H2BC18: variants seen among roughly 807,000 people sequenced by gnomAD.
The protein encoded by H2BC18 is H2B clustered histone 18.
Under a neutral mutation model 6.3 loss-of-function variants are expected in H2BC18, and 8 were observed. The observed-to-expected ratio is 1.28, with a 90% CI of 0.75 to 2.31. The LOEUF (loss-of-function observed/expected upper bound fraction) is 2.31, where lower values mean the gene tolerates loss of function less well. Ranked by LOEUF, H2BC18 falls within the 30% of genes most tolerant of loss-of-function variation. The pLI is 0.00. For synonymous variants in H2BC18, 104 were observed against 78.1 expected, an observed-to-expected ratio of 1.33 and a Z score of -1.75; for missense variants, 106 against 174.5, an observed-to-expected ratio of 0.61 and a Z score of 2.21.
downstream of H2BC18, among the ~76,000 whole-genome samples, chr1:149,807,172 C>T (rs1342363172): frequency 6.6e-6 from 1 of 152,048 alleles, no homozygotes; most frequent in South Asian, 2.1e-4. Flanking sequence ...TGATAAATTG[C>T]GTTTGGAAAA....
At chr1:149,807,825 G>GAGAGAGAGAGAGAA (rs1478607274), downstream of H2BC18, among the ~76,000 whole-genome samples, 1 of 147,294 alleles carries the variant, frequency 6.8e-6, no homozygotes, top group African/African-American at 2.6e-5. Flanking sequence ...GAAAGAAAGA[G>GAGAGAGAGAGAGAA]AGAGAGAGAG....
chr1:149,810,218 T>C (rs1444880745), downstream of H2BC18, among the ~76,000 whole-genome samples: 2 of 151,910 alleles, frequency 1.3e-5, no homozygotes, highest in Non-Finnish European at 2.9e-5. Flanking sequence ...GTATAGAAAA[T>C]AGACCACCTC....
intron 1 of H2BC18, among the ~76,000 whole-genome samples, chr1:149,804,809 A>G (rs1269926460): frequency 3.9e-5 from 6 of 152,028 alleles, no homozygotes; most frequent in African/African-American, 1.4e-4. Flanking sequence ...AAAGTTTTCC[A>G]AGGTCATACA....
chr1:149,807,387 G>C (rs1553753973), downstream of H2BC18, among the ~76,000 whole-genome samples: 1 of 151,914 alleles, frequency 6.6e-6, no homozygotes, highest in African/African-American at 2.4e-5. Context: ...AGCTACTCAG[G>C]AAGCTGAGGT....
intron 1 of H2BC18, among the ~76,000 whole-genome samples, chr1:149,796,247 G>T (rs1365230971): frequency 6.6e-6 from 1 of 152,194 alleles, no homozygotes; most frequent in Non-Finnish European, 1.5e-5. Context: ...AATAAATTGT[G>T]GAGAGGGAGC....
chr1:149,789,349 C>T (rs587649532), intron 1 of H2BC18, among the ~76,000 whole-genome samples: 37 of 152,086 alleles, frequency 2.4e-4, no homozygotes, highest in African/African-American at 8.2e-4. Flanking sequence ...GCTGAGATAG[C>T]GCCACTGCAC....
rs1553754496 is a variant in H2BC18, at chr1:149,811,912, G to A, written c.*31C>T. 1 of 1,575,956 alleles carries A rather than the reference G, an allele frequency of 6.3e-7. No individual in the cohort carries two copies. The highest frequency in any genetic ancestry group is 1.1e-5 in the South Asian group (1 of 90,186). On this transcript the variant is annotated 3_prime_UTR_variant, in exon 1 of 1. Transcript: ENST00000369167. ...CTCTGAAAAGAGCCTTTGGGGTTAG[G>A]TGGTTGATCTATTGCGTCCCTTGCA...
intron 1 of H2BC18, among the ~76,000 whole-genome samples, chr1:149,799,877 G>A (rs1468676197): frequency 1.1e-4 from 16 of 152,284 alleles, no homozygotes; most frequent in African/African-American, 2.2e-4. Flanking sequence ...GACTGACGGC[G>A]GAGGGGGGTT....
rs1361335977 is a variant in H2BC18 at position 149,792,442 on chromosome 1, T to C, written c.378-9182A>G. 27 of 952,256 alleles carry C rather than the reference T, an allele frequency of 2.8e-5. No homozygotes were observed. The South Asian group carries it at 4.4e-4, about 16-fold the overall frequency. 59.0% of individuals were successfully genotyped at this position (952,256 alleles called of 1,614,324 possible). On this transcript the variant is annotated intron_variant, in intron 1 of 1. Coordinates refer to the H2BC18 transcript ENST00000545683. ...AATATTTTCCTGCCACTGTGTAACA[T>C]AGCTGAGGTAAAAACTGAACTATGT...
chr1:149,807,450 C>A (rs2091927619), downstream of H2BC18, among the ~76,000 whole-genome samples: 1 of 144,596 alleles, frequency 6.9e-6, no homozygotes, highest in Admixed American at 7.4e-5. Flanking sequence ...TGTAATCATG[C>A]CACTGCACTC....
At chr1:149,803,735 T>C (rs1448519346) in intron 1 of H2BC18, 1 of 152,262 alleles carries the variant, frequency 6.6e-6, no homozygotes, top group Non-Finnish European at 1.5e-5. Context: ...GACAGTGAGA[T>C]AGTCTCTAGA....
intron 1 of H2BC18, among the ~76,000 whole-genome samples, chr1:149,796,503 G>A (rs1354714199): frequency 1.7e-4 from 26 of 152,282 alleles, no homozygotes; most frequent in Non-Finnish European, 2.4e-4. Context: ...AAAATACTTC[G>A]AAGAGGAGAA....
chr1:149,792,654 T>C (rs1402387716), intron 1 of H2BC18: 1 of 1,276,486 alleles, frequency 7.8e-7, no homozygotes, highest in Non-Finnish European at 1.0e-6. Flanking sequence ...TCCGCCTGTA[T>C]CTGGGGGCCG....
chr1:149,786,103 T>G (rs1419681373), intron 1 of H2BC18: 1 of 152,170 alleles, frequency 6.6e-6, no homozygotes, highest in Non-Finnish European at 1.5e-5. Flanking sequence ...TTCAAATATT[T>G]TCTACCATTA....
intron 1 of H2BC18, chr1:149,786,665 T>C (rs1418056267): frequency 2.0e-5 from 3 of 152,206 alleles, no homozygotes; most frequent in East Asian, 3.9e-4. Context: ...GATTGTTGAG[T>C]AGGAAATTAG....
intron 1 of H2BC18, chr1:149,792,711 G>A (rs2091741858): frequency 7.8e-7 from 1 of 1,283,342 alleles, no homozygotes; most frequent in Non-Finnish European, 1.0e-6. Context: ...GCTGTTGGGC[G>A]CGCGCTTCTC....
At chr1:149,810,408 C>A (rs1415619397), downstream of H2BC18, 1 of 152,092 alleles carries the variant, frequency 6.6e-6, no homozygotes, top group Non-Finnish European at 1.5e-5. Context: ...ATCATGTATA[C>A]CGCATTTTAT....
chr1:149,786,684 G>A (rs2102039260), intron 1 of H2BC18: 1 of 152,240 alleles, frequency 6.6e-6, no homozygotes, highest in Middle Eastern at 3.4e-3. Flanking sequence ...AGTAATGTCT[G>A]CTAAAAGCTG....
chr1:149,790,092 T>A (rs782581131), intron 1 of H2BC18: 20 of 1,613,640 alleles, frequency 1.2e-5, no homozygotes, highest in Non-Finnish European at 1.6e-5. Flanking sequence ...ATCTGTGACA[T>A]CCCCACTCCT....
Sources: gnomAD v4.1 joint callset for allele counts (sites outside exome capture counted in the v4.1 genomes callset) on GRCh38, gnomAD v4.1.1 for gene constraint, MANE v1.5 for transcripts, NCBI Gene and HGNC (gene_info 2026-07-23, HGNC 2026-07-21) for gene names.